NCOR2: variants seen among roughly 807,000 people sequenced by gnomAD.
NCOR2 encodes the protein CTG repeat protein 26.
Under a neutral mutation model 262.9 loss-of-function variants are expected in NCOR2, and 81 were observed. The ratio of observed to expected loss-of-function variants is 0.31; its 90% CI spans 0.26 to 0.37. The LOEUF (loss-of-function observed/expected upper bound fraction) is 0.37. Ranked by LOEUF, NCOR2 falls within the 10% of genes least tolerant of loss-of-function variation. The pLI is 1.00. For synonymous variants in NCOR2, 1,659 were observed against 1,559.3 expected (o/e 1.06, Z -1.51); for missense variants, 3,385 against 3,621.4 (o/e 0.93, Z 1.68).
At chr12:124,484,605 G>A (rs1406627292) in intron 2 of NCOR2, among the ~76,000 whole-genome samples, 2 of 152,164 alleles carry the variant, frequency 1.3e-5, no homozygotes, top group African/African-American at 4.8e-5. Flanking sequence ...TCCCGCCACT[G>A]CACTCCTGCC....
chr12:124,340,901 A>G (rs1702334), intron 34 of NCOR2, 150 bp from the exon 37 acceptor site: 681,298 of 684,724 alleles, frequency 0.99, 339,031 homozygotes, highest in Non-Finnish European at 1. Flanking sequence ...TCCCAGCACC[A>G]GCCATGGAAC....
chr12:124,430,622 T>G (rs1367764675), exon 9 of NCOR2: 1 of 1,612,114 alleles, frequency 6.2e-7, no homozygotes, highest in Admixed American at 1.7e-5. Context: ...CACCTCTGCA[T>G]GCGCTCCTGC....
At chr12:124,347,867 G>T in exon 30 of NCOR2, 1 of 1,568,944 alleles carries the variant, frequency 6.4e-7, no homozygotes, top group South Asian at 1.2e-5. Flanking sequence ...TCTTTGAGGT[G>T]GTGGGGGCTG....
At chr12:124,461,099 G>A (rs2046136533) in intron 5 of NCOR2, among the ~76,000 whole-genome samples, 1 of 152,262 alleles carries the variant, frequency 6.6e-6, no homozygotes, top group African/African-American at 2.4e-5. Context: ...TGGGAGGCTG[G>A]AATTCAGGGG....
chr12:124,376,616 G>A (rs143561168), intron 18 of NCOR2, among the ~76,000 whole-genome samples: 95 of 152,274 alleles, frequency 6.2e-4, no homozygotes, highest in African/African-American at 2.0e-3. Flanking sequence ...TCCCTGACCC[G>A]CCCCCAACTT....
chr12:124,422,703 GGAAGGGCT>G (rs2043287716), intron 11 of NCOR2, 148 bp from the exon 14 acceptor site: 2 of 827,746 alleles, frequency 2.4e-6, no homozygotes, highest in African/African-American at 3.4e-5. Flanking sequence ...GGGGGGTGTG[GGAAGGGCT>G]GCTGCGGCAG....
intron 30 of NCOR2, among the ~76,000 whole-genome samples, 173 bp from the exon 33 acceptor site, chr12:124,347,023 A>C (rs1015578588): frequency 2.0e-5 from 3 of 152,220 alleles, no homozygotes; most frequent in Non-Finnish European, 2.9e-5. Context: ...ACATAAAACA[A>C]GAATATTAAC....
chr12:124,392,662 T>TG (rs918450039), intron 16 of NCOR2, among the ~76,000 whole-genome samples: 15 of 152,338 alleles, frequency 9.8e-5, no homozygotes, highest in African/African-American at 3.4e-4. Context: ...GCTCCTCTTT[T>TG]GGGGGGCCCA....
rs1460083694 is a variant in NCOR2, at chr12:124,432,866, C to CG, written c.883-2080dup. Among the ~76,000 whole-genome samples, 1 of 5,166 alleles carries CG rather than the reference C, an allele frequency of 1.9e-4. No homozygotes were observed. 3.4% of individuals were successfully genotyped at this position (5,166 alleles called of 152,430 possible). On this transcript the variant is annotated intron_variant, in intron 8 of 46. Coordinates refer to ENST00000405201, the Ensembl canonical transcript of NCOR2. The surrounding 1 kb of genome is among the most constrained non-coding windows in gnomAD (Gnocchi z 5.1). ...GACTTGAGCAAGTGGCGGCGGGGGG[C>CG]GGGGGGTGGGGGCGGGGAAGGGGAC...
intron 1 of NCOR2, among the ~76,000 whole-genome samples, chr12:124,554,237 T>C (rs2051811330): frequency 6.6e-6 from 1 of 152,146 alleles, no homozygotes; most frequent in African/African-American, 2.4e-5. Flanking sequence ...TCACTCCCAT[T>C]TCACAGGTCC....
Position 124,443,989 on chromosome 12 carries a change from T to G in NCOR2, c.815+5826A>C, listed in dbSNP as rs117346293. On this transcript the variant is annotated intron_variant, in intron 7 of 46. Transcript: ENST00000405201. The surrounding 1 kb of genome is among the most constrained non-coding windows in gnomAD (Gnocchi z 4.4). The stretch of plus-strand genomic sequence containing the variant: ...GCCCAGCTCCCCGTTCCTCAGCCCC[T>G]ACTACTCCCTATTGCCTCACACCAG... Among the ~76,000 whole-genome samples the G allele has an allele frequency of 0.036, 5,475 of 152,250 alleles. 132 individuals carry two copies. The highest frequency in any genetic ancestry group is 0.056 in the Non-Finnish European group (3,800 of 68,016).
chr12:124,565,096 G>A lies in NCOR2; in HGVS notation c.-165+2212C>T, dbSNP rs1267399898. ...CATAACCAAACCCTCTCCGAGAGGG[G>A]GAGGGGGAGAGCGCAGCCCCAGGAG... On this transcript the variant is annotated intron_variant, in intron 1 of 32. Transcript: ENST00000458234. 4.6e-5 allele frequency among the ~76,000 whole-genome samples: 7 copies of A among 152,288 alleles called. No individual in the cohort carries two copies. In the East Asian group the frequency reaches 7.7e-4, roughly 17 times the overall value.
upstream of NCOR2, among the ~76,000 whole-genome samples, chr12:124,499,028 C>T (rs1158570914): frequency 3.9e-5 from 6 of 152,168 alleles, no homozygotes. Flanking sequence ...TTTTACAGGG[C>T]AGTGATGCAA....
chr12:124,400,559 T>G (rs768855178), exon 15 of NCOR2: 2 of 1,614,206 alleles, frequency 1.2e-6, no homozygotes, highest in South Asian at 2.2e-5. Context: ...CATTAGCCAT[T>G]GAGCGGGTGA....
At chr12:124,458,674 G>A (rs2046009285) in intron 5 of NCOR2, among the ~76,000 whole-genome samples, 1 of 152,220 alleles carries the variant, frequency 6.6e-6, no homozygotes, top group African/African-American at 2.4e-5. Flanking sequence ...CCATCTCACA[G>A]ATGGTGAAAC....
exon 26 of NCOR2, chr12:124,354,507 G>A: frequency 6.3e-7 from 1 of 1,587,648 alleles, no homozygotes; most frequent in Non-Finnish European, 8.5e-7. Flanking sequence ...CTGGGCTGTG[G>A]GCACCCCCAG....
chr12:124,475,844 C>T (rs1019047698), intron 3 of NCOR2, among the ~76,000 whole-genome samples: 1 of 152,190 alleles, frequency 6.6e-6, no homozygotes, highest in Non-Finnish European at 1.5e-5. Context: ...CACATCTGTT[C>T]ACCCCACAGA....
At chr12:124,452,267 C>A (rs2045593950) in intron 6 of NCOR2, among the ~76,000 whole-genome samples, 1 of 152,214 alleles carries the variant, frequency 6.6e-6, no homozygotes, top group Admixed American at 6.5e-5. Flanking sequence ...GGCAAGGGGC[C>A]CTGTGAAGAT....
chr12:124,438,868 G>A (rs2044583880), intron 7 of NCOR2, among the ~76,000 whole-genome samples: 1 of 150,172 alleles, frequency 6.7e-6, no homozygotes, highest in Non-Finnish European at 1.5e-5. Context: ...GAGACCCAGA[G>A]ACAGAGGAAG....
Sources: gnomAD v4.1 joint callset for allele counts (sites outside exome capture counted in the v4.1 genomes callset) on GRCh38, gnomAD v4.1.1 for gene constraint, Gnocchi (gnomAD v3.1) non-coding constraint, MANE v1.5 for transcripts, NCBI Gene and HGNC (gene_info 2026-07-23, HGNC 2026-07-21) for gene names.